The following MYT1L variants were observed in gnomAD, a reference collection of about 807,000 sequenced individuals.
MYT1L encodes myelin transcription factor 1-like protein.
Under a neutral mutation model 126.7 loss-of-function variants are expected in MYT1L, and 12 were observed. The observed-to-expected ratio is 0.09, with a 90% CI of 0.06 to 0.15. The LOEUF is 0.15. Among genes scored for constraint, MYT1L ranks in the 10% least tolerant of loss-of-function variants. The pLI, the probability that MYT1L is intolerant of heterozygous loss-of-function variation, is 1.00. For missense variants in MYT1L, 979 were observed against 1,585.2 expected, an observed-to-expected ratio of 0.62 and a Z score of 6.49; for synonymous variants, 541 against 604.2, an observed-to-expected ratio of 0.90 and a Z score of 1.53.
intron 5 of MYT1L, among the ~76,000 whole-genome samples, chr2:1,981,765 G>A (rs1258852191): frequency 6.6e-6 from 1 of 152,244 alleles, no homozygotes; most frequent in African/African-American, 2.4e-5. Flanking sequence ...GGAGGGGGCA[G>A]GCAGTGCAGT....
chr2:1,925,149 G>C (rs1413911580), intron 9 of MYT1L, among the ~76,000 whole-genome samples: 1 of 152,198 alleles, frequency 6.6e-6, no homozygotes, highest in East Asian at 1.9e-4. Flanking sequence ...CATTTTGAAA[G>C]TTGAGTCAAA....
At chr2:2,189,807 C>CGCACGGGGAGAAGCAGGGTTCTCAGGACG (rs2092461360) in intron 2 of MYT1L, among the ~76,000 whole-genome samples, 1 of 149,874 alleles carries the variant, frequency 6.7e-6, no homozygotes, top group African/African-American at 2.5e-5. Flanking sequence ...TTCTCAGGAC[C>CGCACGGGGAGAAGCAGGGTTCTCAGGACG]GCACGGGGAG....
At position 1,910,219 on chromosome 2, in the gene MYT1L, T is replaced by C. The variant is rs773508700; in HGVS notation, c.1817+21A>G. On this transcript the variant is annotated intron_variant, in intron 13 of 24. Coordinates refer to ENST00000647738, the MANE Select transcript of MYT1L (RefSeq NM_001303052.2). This position sits in a 1 kb window ranked among gnomAD's most constrained non-coding sequence, Gnocchi z 4.8. ...GCAGACTATGGATAGAGCTCACGGA[T>C]GGTGCACTCCTGCTGGGTACCTGAG... 7 of 1,604,228 alleles carry C rather than the reference T, an allele frequency of 4.4e-6. No homozygotes were observed. In the African/African-American group the frequency reaches 8.0e-5, roughly 18 times the overall value.
At chr2:2,164,037 A>AT (rs1355127316) in intron 3 of MYT1L, among the ~76,000 whole-genome samples, 3 of 152,154 alleles carry the variant, frequency 2.0e-5, no homozygotes, top group Admixed American at 2.0e-4. Context: ...TTTATAAAAG[A>AT]ATACATATAA....
At chr2:1,920,972 G>C (rs1004622492) in intron 10 of MYT1L, among the ~76,000 whole-genome samples, 3 of 152,212 alleles carry the variant, frequency 2.0e-5, no homozygotes, top group African/African-American at 4.8e-5. Context: ...TCTGGCTAAG[G>C]TACCTCTACA....
At chr2:1,862,383 C>T (rs1298007874) in intron 18 of MYT1L, among the ~76,000 whole-genome samples, 1 of 152,148 alleles carries the variant, frequency 6.6e-6, no homozygotes, top group African/African-American at 2.4e-5. Context: ...CATCTCTTAC[C>T]TTCTGGTGCG....
intron 2 of MYT1L, among the ~76,000 whole-genome samples, chr2:2,277,624 A>G (rs2095383433): frequency 6.6e-6 from 1 of 152,256 alleles, no homozygotes; most frequent in South Asian, 2.1e-4. Context: ...TTTTCCTGTA[A>G]TAGGGATGAG....
chr2:2,076,010 C>G (rs1443806310), intron 3 of MYT1L, among the ~76,000 whole-genome samples: 2 of 152,190 alleles, frequency 1.3e-5, no homozygotes, highest in African/African-American at 4.8e-5. Flanking sequence ...GAAATTGCAG[C>G]TCTTAGGAAA....
intron 3 of MYT1L, among the ~76,000 whole-genome samples, chr2:2,074,497 C>A (rs2074995383): frequency 1.3e-5 from 2 of 152,040 alleles, no homozygotes. Context: ...AAAAAGATAT[C>A]AATTTACAGA....
intron 5 of MYT1L, among the ~76,000 whole-genome samples, chr2:1,980,012 C>T (rs2060484292): frequency 6.6e-6 from 1 of 152,056 alleles, no homozygotes; most frequent in Non-Finnish European, 1.5e-5. Context: ...GGCCCTTGTC[C>T]TCTATAATGG....
intron 2 of MYT1L, among the ~76,000 whole-genome samples, chr2:2,195,967 G>A (rs2092781393): frequency 6.6e-6 from 1 of 152,042 alleles, no homozygotes; most frequent in Non-Finnish European, 1.5e-5. Flanking sequence ...GGCAAGAGGA[G>A]CAAAAGCAGT....
chr2:1,976,869 A>G (rs2060226245), intron 8 of MYT1L, among the ~76,000 whole-genome samples: 1 of 152,198 alleles, frequency 6.6e-6, no homozygotes, highest in Non-Finnish European at 1.5e-5. Context: ...ACATTTTTGC[A>G]CCGTTTTACA....
At chr2:1,837,054 C>T (rs1402966606) in intron 21 of MYT1L, among the ~76,000 whole-genome samples, 1 of 152,126 alleles carries the variant, frequency 6.6e-6, no homozygotes, top group Non-Finnish European at 1.5e-5. Flanking sequence ...GGGCGGGGTC[C>T]TGCTTCCCAC....
chr2:2,115,015 C>T (rs925113960), intron 3 of MYT1L, among the ~76,000 whole-genome samples: 1 of 152,202 alleles, frequency 6.6e-6, no homozygotes, highest in Non-Finnish European at 1.5e-5. Flanking sequence ...CACAGCAGAG[C>T]GTTCAGGGCT....
rs145673985 is a variant in MYT1L at position 2,263,293 on chromosome 2, A to C, written c.-421+21111T>G. ...AGGGGAACCCTACTGGCAGAGAGCG[A>C]GGAGGGCCAATCACCTCCCAGCTCC... On this transcript the variant is annotated intron_variant, in intron 2 of 24. Coordinates refer to ENST00000647738, the MANE Select transcript of MYT1L (RefSeq NM_001303052.2). Among the ~76,000 whole-genome samples the C allele has an allele frequency of 2.5e-3, 386 of 152,012 alleles. 1 individual carries two copies. Among genetic ancestry groups the C allele is most frequent in the African/African-American group, 9.1e-3 (375 of 41,436 alleles).
intron 1 of MYT1L, among the ~76,000 whole-genome samples, chr2:2,312,095 G>A (rs1177845946): frequency 6.6e-6 from 1 of 152,154 alleles, no homozygotes; most frequent in Non-Finnish European, 1.5e-5. Context: ...TAGCTACTGG[G>A]GTTTGGAAAG....
intron 5 of MYT1L, among the ~76,000 whole-genome samples, chr2:1,987,609 C>T (rs1278591803): frequency 6.6e-6 from 1 of 152,218 alleles, no homozygotes; most frequent in African/African-American, 2.4e-5. Flanking sequence ...CTGTTCCAAG[C>T]TGGTTCTGAA....
At chr2:2,315,374 T>G (rs1329523057) in intron 1 of MYT1L, among the ~76,000 whole-genome samples, 1 of 152,194 alleles carries the variant, frequency 6.6e-6, no homozygotes, top group Non-Finnish European at 1.5e-5. Context: ...ATATATTCTC[T>G]GTCTATGAAA....
At chr2:2,125,299 T>C (rs12998803) in intron 3 of MYT1L, among the ~76,000 whole-genome samples, 5,447 of 152,286 alleles carry the variant, frequency 0.036, 111 homozygotes, top group East Asian at 0.081. Flanking sequence ...ATCCAAGTTT[T>C]ATTATGCCAC....
Sources: gnomAD v4.1 joint callset for allele counts (sites outside exome capture counted in the v4.1 genomes callset) on GRCh38, gnomAD v4.1.1 for gene constraint, Gnocchi (gnomAD v3.1) non-coding constraint, MANE v1.5 for transcripts, NCBI Gene and HGNC (gene_info 2026-07-23, HGNC 2026-07-21) for gene names.